Variants in BTBD9 observed in about 807,000 individuals in gnomAD.
BTBD9 encodes BTB/POZ domain-containing protein 9.
BTBD9 carries 49 observed loss-of-function variants against 64.3 expected under a neutral mutation model. The observed-to-expected ratio is 0.76, with a 90% CI of 0.61 to 0.97. The LOEUF (loss-of-function observed/expected upper bound fraction) is 0.97. Ranked by LOEUF, BTBD9 falls within the 50% of genes least tolerant of loss-of-function variation. The probability of loss-of-function intolerance (pLI) is 0.00; values close to 1 mark genes in which losing one functional copy is unlikely to be tolerated. For missense variants in BTBD9, 598 were observed against 762.1 expected (o/e 0.78, Z 2.53); for synonymous variants, 260 against 274.7 (o/e 0.95, Z 0.53).
intron 7 of BTBD9, among the ~76,000 whole-genome samples, chr6:38,338,622 G>A (rs1763989143): frequency 6.6e-6 from 1 of 152,102 alleles, no homozygotes; most frequent in Non-Finnish European, 1.5e-5. Context: ...GGTAGAACCA[G>A]GGACAAGGAT....
intron 6 of BTBD9, among the ~76,000 whole-genome samples, chr6:38,480,935 G>A (rs1771111945): frequency 6.6e-6 from 1 of 152,152 alleles, no homozygotes; most frequent in South Asian, 2.1e-4. Flanking sequence ...GGGAAGGAAG[G>A]CAACACCTGG....
At chr6:38,459,696 T>C (rs886952938) in intron 6 of BTBD9, among the ~76,000 whole-genome samples, 3 of 152,324 alleles carry the variant, frequency 2.0e-5, no homozygotes, top group African/African-American at 7.2e-5. Context: ...GTTGCTGTTA[T>C]TACAATACAG....
chr6:38,594,104 G>A lies in BTBD9; in HGVS notation c.409C>T (p.Leu137Phe). The A allele has an allele frequency of 6.2e-7, 1 of 1,614,170 alleles. No individual in the cohort carries two copies. Among genetic ancestry groups the A allele is most frequent in the Non-Finnish European group, 8.5e-7 (1 of 1,180,018 alleles). ...DSTSEYLCTILNIQNVCMTFD... is the reference protein window; with the variant it reads ...DSTSEYLCTIFNIQNVCMTFD... The stretch of plus-strand genomic sequence containing the variant: ...GTCATGCAGACATTCTGAATGTTAA[G>A]TATGGTGCAGAGATACTCAGAGGTA... Residue 137 changes from leucine to phenylalanine, a missense_variant, in exon 3 of 11, where the codon CTT becomes TTT. Coordinates refer to ENST00000481247, the MANE Select transcript of BTBD9 (RefSeq NM_001099272.2).
In BTBD9 at chr6:38,256,456, G is replaced by A. The variant is rs755854235; in HGVS notation, c.1515C>T (p.Asn505=). ...CAGCAACCATGGTCCACTGTTGCTG[G>A]TTGGTAGAAACCTCAACGTAGTAGC... ...SYSYYVEVST[N]QQQWTMVADR... is the part of the protein sequence containing the mutation. The change falls in exon 9 of 11, where the codon AAC becomes AAT. Residue 505 remains asparagine, a synonymous_variant. Coordinates refer to ENST00000481247, the MANE Select transcript of BTBD9 (RefSeq NM_001099272.2). The A allele has an allele frequency of 2.5e-6, 4 of 1,613,968 alleles. No homozygotes were observed. The African/African-American group carries it at 5.3e-5, about 22-fold the overall frequency.
chr6:38,569,286 G>A (rs1182297190), intron 6 of BTBD9, among the ~76,000 whole-genome samples: 2 of 152,158 alleles, frequency 1.3e-5, no homozygotes, highest in Non-Finnish European at 2.9e-5. Flanking sequence ...TAAATGAGGT[G>A]CCTACAATAT....
intron 8 of BTBD9, among the ~76,000 whole-genome samples, chr6:38,263,921 TAA>T (rs1764880364): frequency 6.6e-6 from 1 of 152,116 alleles, no homozygotes; most frequent in Admixed American, 6.5e-5. Flanking sequence ...AGGTACGCAA[TAA>T]GAGTAGATGT....
chr6:38,576,248 G>A (rs1202498471), intron 6 of BTBD9, among the ~76,000 whole-genome samples: 1 of 152,138 alleles, frequency 6.6e-6, no homozygotes, highest in African/African-American at 2.4e-5. Flanking sequence ...CACTCTGGAA[G>A]TATCCCTAGG....
intron 7 of BTBD9, among the ~76,000 whole-genome samples, chr6:38,295,837 C>T (rs1382155907): frequency 1.3e-5 from 2 of 151,964 alleles, no homozygotes; most frequent in Non-Finnish European, 2.9e-5. Flanking sequence ...GCACTTGAGG[C>T]CAGGAGTTTG....
At chr6:38,350,281 C>T (rs1764450682) in intron 6 of BTBD9, among the ~76,000 whole-genome samples, 1 of 152,116 alleles carries the variant, frequency 6.6e-6, no homozygotes, top group Admixed American at 6.5e-5. Context: ...TCTAGCTTTC[C>T]GTCATTGCTT....
chr6:38,487,212 T>C (rs1012351622), intron 6 of BTBD9, among the ~76,000 whole-genome samples: 1 of 152,250 alleles, frequency 6.6e-6, no homozygotes, highest in African/African-American at 2.4e-5. Context: ...AATTATGTGC[T>C]TGTGGTTATC....
chr6:38,367,799 C>CAAAAAAAAAAAAAAAAAA (rs575025737), intron 6 of BTBD9, among the ~76,000 whole-genome samples: 4 of 84,334 alleles, frequency 4.7e-5, no homozygotes, highest in South Asian at 5.3e-4. Context: ...CCAGAAATGG[C>CAAAAAAAAAAAAAAAAAA]AAAAAAAAAA....
At chr6:38,213,004 G>A (rs1053945494) in intron 9 of BTBD9, among the ~76,000 whole-genome samples, 1 of 151,392 alleles carries the variant, frequency 6.6e-6, no homozygotes, top group Non-Finnish European at 1.5e-5. Context: ...AGGACTAACT[G>A]GCCCCTGAAT....
chr6:38,513,245 A>C (rs375479887), intron 6 of BTBD9, among the ~76,000 whole-genome samples: 58 of 152,304 alleles, frequency 3.8e-4, no homozygotes, highest in Middle Eastern at 3.4e-3. Context: ...CAGGAGTTCC[A>C]GACCAGCCTG....
rs1309516184 is a variant in BTBD9, at chr6:38,273,289, G to T, written c.1454+14983C>A. Among the ~76,000 whole-genome samples the T allele has an allele frequency of 2.6e-5, 4 of 152,214 alleles. No homozygotes were observed. The South Asian group carries it at 8.3e-4, about 32-fold the overall frequency. ...TTTATCCATGTGGGGTGCATTCCAA[G>T]ACCCCCCAGTGGATGACTGAATCCA... On this transcript the variant is annotated intron_variant, in intron 8 of 10. Coordinates refer to ENST00000481247, the MANE Select transcript of BTBD9 (RefSeq NM_001099272.2).
intron 7 of BTBD9, among the ~76,000 whole-genome samples, chr6:38,296,207 T>A (rs1172815192): frequency 6.6e-6 from 1 of 152,222 alleles, no homozygotes; most frequent in Non-Finnish European, 1.5e-5. Context: ...CTTTTCTTTT[T>A]TCTTTTACAT....
chr6:38,374,721 C>T (rs879267531), intron 6 of BTBD9, among the ~76,000 whole-genome samples: 1 of 152,128 alleles, frequency 6.6e-6, no homozygotes, highest in Non-Finnish European at 1.5e-5. Context: ...GACAACTAAC[C>T]CTGCATAGAA....
chr6:38,269,952 G>A (rs543665241), intron 8 of BTBD9, among the ~76,000 whole-genome samples: 1 of 152,278 alleles, frequency 6.6e-6, no homozygotes, highest in African/African-American at 2.4e-5. Context: ...CAAGCTACCA[G>A]GGTAAACCGT....
intron 6 of BTBD9, among the ~76,000 whole-genome samples, chr6:38,558,653 A>G (rs1350128590): frequency 1.3e-5 from 2 of 152,112 alleles, no homozygotes; most frequent in Non-Finnish European, 2.9e-5. Context: ...AGATGATCGT[A>G]TGTTTTAAAT....
intron 6 of BTBD9, among the ~76,000 whole-genome samples, chr6:38,569,805 T>C (rs933710429): frequency 6.6e-6 from 1 of 152,082 alleles, no homozygotes; most frequent in East Asian, 1.9e-4. Context: ...TTTGCTATTG[T>C]TGTTGTGTTT....
Sources: gnomAD v4.1 joint callset for allele counts (sites outside exome capture counted in the v4.1 genomes callset) on GRCh38, gnomAD v4.1.1 for gene constraint, MANE v1.5 for transcripts, NCBI Gene and HGNC (gene_info 2026-07-23, HGNC 2026-07-21) for gene names.